The following CAMK1G variants were observed in gnomAD, a reference collection of about 807,000 sequenced individuals.
The protein encoded by CAMK1G is calcium/calmodulin dependent protein kinase IG.
A neutral mutation model predicts 54.8 loss-of-function variants in CAMK1G; 27 were observed. The ratio of observed to expected loss-of-function variants is 0.49; its 90% CI spans 0.36 to 0.68. CAMK1G has a LOEUF of 0.68. Ranked by LOEUF, CAMK1G falls within the 30% of genes least tolerant of loss-of-function variation. CAMK1G has a pLI of 0.00. For synonymous variants in CAMK1G, 238 were observed against 224.9 expected (o/e 1.06, Z -0.52); for missense variants, 512 against 591.0 (o/e 0.87, Z 1.39).
At chr1:209,609,156 G>T (rs933609988) in intron 8 of CAMK1G, 64 bp downstream of exon 8, 2 of 1,598,716 alleles carry the variant, frequency 1.3e-6, no homozygotes, top group South Asian at 1.1e-5. Context: ...AGAGAAATGA[G>T]CTTAACAAAG....
intron 9 of CAMK1G, among the ~76,000 whole-genome samples, 169 bp from the exon 10 acceptor site, chr1:209,611,296 C>T (rs1218626818): frequency 1.3e-5 from 2 of 152,254 alleles, no homozygotes; most frequent in African/African-American, 2.4e-5. Flanking sequence ...CCGACTCTTA[C>T]TTGCCCAGGG....
At chr1:209,600,494 C>T (rs1665501327) in intron 3 of CAMK1G, among the ~76,000 whole-genome samples, 2 of 152,226 alleles carry the variant, frequency 1.3e-5, no homozygotes, top group African/African-American at 2.4e-5. Flanking sequence ...AGCACCCCAA[C>T]CATCTTGATG....
intron 1 of CAMK1G, among the ~76,000 whole-genome samples, chr1:209,590,728 G>C (rs919249829): frequency 6.6e-6 from 1 of 152,072 alleles, no homozygotes; most frequent in Non-Finnish European, 1.5e-5. Context: ...GTTCTGTGGA[G>C]AGGGGAGAGA....
intron 3 of CAMK1G, among the ~76,000 whole-genome samples, chr1:209,600,507 G>A (rs1041930153): frequency 2.0e-5 from 3 of 152,170 alleles, no homozygotes; most frequent in Admixed American, 6.5e-5. Context: ...TCTTGATGAA[G>A]GCAACACTAC....
chr1:209,586,015 G>C, intron 1 of CAMK1G, among the ~76,000 whole-genome samples: 1 of 152,258 alleles, frequency 6.6e-6, no homozygotes, highest in African/African-American at 2.4e-5. Context: ...ATCCAGGATT[G>C]TCAAACCCAT....
At chr1:209,592,338 C>T (rs1665277306) in intron 1 of CAMK1G, among the ~76,000 whole-genome samples, 1 of 120,494 alleles carries the variant, frequency 8.3e-6, no homozygotes, top group Non-Finnish European at 1.7e-5. Context: ...GAGCAAGACT[C>T]TGTCTCAAAA....
intron 9 of CAMK1G, 132 bp downstream of exon 9, chr1:209,610,061 G>T (rs1665744472): frequency 2.6e-6 from 2 of 760,298 alleles, no homozygotes; most frequent in Admixed American, 4.2e-5. Flanking sequence ...CAAGGACCAT[G>T]CCATTGTTCA....
At chr1:209,603,438 T>C in intron 4 of CAMK1G, 150 bp downstream of exon 4, 1 of 653,160 alleles carries the variant, frequency 1.5e-6, no homozygotes, top group Non-Finnish European at 2.7e-6. Flanking sequence ...AGGGTCCTTT[T>C]AGACTGAGTG....
intron 2 of CAMK1G, among the ~76,000 whole-genome samples, chr1:209,596,023 G>A (rs1466037237): frequency 6.6e-6 from 1 of 152,212 alleles, no homozygotes; most frequent in East Asian, 1.9e-4. Flanking sequence ...GGGCAGTGAA[G>A]AGCAGCCAGC....
chr1:209,588,686 G>A (rs1295918248), intron 1 of CAMK1G, among the ~76,000 whole-genome samples: 1 of 152,170 alleles, frequency 6.6e-6, no homozygotes, highest in Non-Finnish European at 1.5e-5. Context: ...CAGTGAGGAG[G>A]CCACTGCAGA....
At chr1:209,587,292 A>C (rs79725622) in intron 1 of CAMK1G, among the ~76,000 whole-genome samples, 2,088 of 152,136 alleles carry the variant, frequency 0.014, 51 homozygotes, top group African/African-American at 0.048. Flanking sequence ...GGCTGCTCGA[A>C]ATTTCATCTA....
rs1056822175 is a variant in CAMK1G at position 209,613,275 on chromosome 1, G to C, written c.*273G>C. 4.5e-6 allele frequency: 1 copy of C among 224,684 alleles called. No individual in the cohort carries two copies. Among genetic ancestry groups the C allele is most frequent in the African/African-American group, 2.2e-5 (1 of 44,950 alleles). The allele number at this position is 224,684 out of a possible 1,614,324, so 13.9% of individuals were successfully genotyped here. On this transcript the variant is annotated 3_prime_UTR_variant, in exon 13 of 13. Coordinates refer to ENST00000361322, the MANE Select transcript of CAMK1G (RefSeq NM_020439.3). ...ACCAGCTTCCAGGTCTCCCTGACCT[G>C]CCTGCTCTATGCCCCACACCCTACG...
chr1:209,595,654 CTCT>C (rs1452531768), intron 2 of CAMK1G, among the ~76,000 whole-genome samples: 1 of 152,186 alleles, frequency 6.6e-6, no homozygotes. Flanking sequence ...AGTGAACAAC[CTCT>C]TCTTCTGCTC....
intron 3 of CAMK1G, among the ~76,000 whole-genome samples, chr1:209,602,731 TTG>T (rs1665559941): frequency 6.6e-6 from 1 of 152,260 alleles, no homozygotes; most frequent in South Asian, 2.1e-4. Context: ...ATGTTTAGAC[TTG>T]GGTCCCATCT....
chr1:209,588,126 A>G (rs1558133792), intron 1 of CAMK1G, among the ~76,000 whole-genome samples: 1 of 152,216 alleles, frequency 6.6e-6, no homozygotes, highest in Non-Finnish European at 1.5e-5. Flanking sequence ...CCTTGCTCAG[A>G]AGCCCCTAGT....
At chr1:209,610,216 T>C (rs958008588) in intron 9 of CAMK1G, among the ~76,000 whole-genome samples, 14 of 152,200 alleles carry the variant, frequency 9.2e-5, no homozygotes, top group African/African-American at 3.4e-4. Context: ...TGTTCAGTAC[T>C]AGTTATTCAA....
chr1:209,603,323 C>G (rs746257576), intron 4 of CAMK1G, 35 bp downstream of exon 4: 23 of 1,564,936 alleles, frequency 1.5e-5, no homozygotes, highest in Admixed American at 1.7e-5. Flanking sequence ...TTCACAGAGG[C>G]CTGGTGGGGC....
chr1:209,595,906 G>GGGAGGCTGCAGACTCTGAC lies in CAMK1G; in HGVS notation c.92+833_92+851dup, dbSNP rs578194020. On this transcript the variant is annotated intron_variant, in intron 2 of 12. Transcript: ENST00000361322. The stretch of plus-strand genomic sequence containing the variant: ...CCCCACTTAGTCCTGCCTCTCCCCT[G>GGGAGGCTGCAGACTCTGAC]GGAGGCTGCAGACTCTGACGCAGGC... 8.8e-3 allele frequency among the ~76,000 whole-genome samples: 1,343 copies of GGGAGGCTGCAGACTCTGAC among 152,280 alleles called. 55 individuals carry two copies. The highest frequency in any genetic ancestry group is 0.062 in the East Asian group (319 of 5,154).
intron 1 of CAMK1G, among the ~76,000 whole-genome samples, chr1:209,587,462 C>G (rs540958786): frequency 6.6e-5 from 10 of 152,188 alleles, no homozygotes; most frequent in African/African-American, 1.9e-4. Flanking sequence ...CCAGATTAAA[C>G]AGCATGTGTC....
Sources: allele counts gnomAD v4.1 joint callset (sites outside exome capture counted in the v4.1 genomes callset), GRCh38; gene constraint gnomAD v4.1.1; transcripts MANE v1.5; gene names NCBI Gene and HGNC (gene_info 2026-07-23, HGNC 2026-07-21).